NPEPPS: variants seen among roughly 807,000 people sequenced by gnomAD.
NPEPPS encodes the protein aminopeptidase puromycin sensitive.
In NPEPPS, 14 loss-of-function variants were observed where a neutral mutation model predicts 115.5. The observed-to-expected ratio is 0.12, with a 90% CI of 0.08 to 0.19. NPEPPS has a LOEUF of 0.19. NPEPPS is among the 10% of genes least tolerant of loss of function. The pLI, the probability that NPEPPS is intolerant of heterozygous loss-of-function variation, is 1.00. For synonymous variants in NPEPPS, 285 were observed against 390.6 expected, an observed-to-expected ratio of 0.73 and a Z score of 3.19; for missense variants, 523 against 1,110.8, an observed-to-expected ratio of 0.47 and a Z score of 7.52.
At chr17:47,618,196 A>AG (rs1914331060) in intron 19 of NPEPPS, among the ~76,000 whole-genome samples, 154 bp from the exon 20 acceptor site, 1 of 152,072 alleles carries the variant, frequency 6.6e-6, no homozygotes, top group Admixed American at 6.6e-5. Flanking sequence ...CATCTTGAAA[A>AG]GTATTCTCTT....
intron 17 of NPEPPS, among the ~76,000 whole-genome samples, chr17:47,607,326 C>T (rs992820338): frequency 2.0e-5 from 3 of 151,944 alleles, no homozygotes; most frequent in Non-Finnish European, 2.9e-5. Flanking sequence ...TTTGAGGCTA[C>T]CTAGAAGAAA....
At chr17:47,561,346 C>CA (rs71365075) in intron 2 of NPEPPS, among the ~76,000 whole-genome samples, 27,427 of 60,146 alleles carry the variant, frequency 0.46, 6,259 homozygotes, top group East Asian at 0.57. Flanking sequence ...GACCCTGTCT[C>CA]AAAAAAAAAA....
intron 2 of NPEPPS, among the ~76,000 whole-genome samples, chr17:47,558,086 G>C (rs111714571): frequency 1.3e-5 from 2 of 151,550 alleles, no homozygotes; most frequent in East Asian, 3.9e-4. Flanking sequence ...GCCACCACAC[G>C]TGGCTCATTT....
At chr17:47,543,558 C>T (rs139596406) in intron 1 of NPEPPS, among the ~76,000 whole-genome samples, 7,571 of 150,302 alleles carry the variant, frequency 0.05, 314 homozygotes, top group East Asian at 0.11. Flanking sequence ...AACTCCTGAC[C>T]TCAAGTGATC....
chr17:47,599,475 GC>G (rs1913060698), intron 13 of NPEPPS, among the ~76,000 whole-genome samples, 200 bp from the exon 14 acceptor site: 1 of 152,122 alleles, frequency 6.6e-6, no homozygotes, highest in Admixed American at 6.5e-5. Flanking sequence ...TACCATTGTT[GC>G]CTCTGGCTTT....
At chr17:47,608,287 C>T (rs919810912) in intron 17 of NPEPPS, among the ~76,000 whole-genome samples, 6 of 152,094 alleles carry the variant, frequency 3.9e-5, no homozygotes, top group African/African-American at 1.4e-4. Flanking sequence ...GAAACCCCAT[C>T]TCTACTAAAA....
At chr17:47,609,856 C>T (rs1439197003) in intron 17 of NPEPPS, among the ~76,000 whole-genome samples, 5 of 152,146 alleles carry the variant, frequency 3.3e-5, no homozygotes, top group African/African-American at 1.2e-4. Flanking sequence ...TCTCACTCAG[C>T]GTAGTGTTTC....
intron 1 of NPEPPS, among the ~76,000 whole-genome samples, chr17:47,540,108 T>G (rs1336264646): frequency 6.6e-6 from 1 of 152,150 alleles, no homozygotes; most frequent in Non-Finnish European, 1.5e-5. Context: ...ATAGGAAACT[T>G]CCATTGTAAA....
intron 3 of NPEPPS, among the ~76,000 whole-genome samples, chr17:47,569,821 G>C (rs1412482761): frequency 1.3e-5 from 2 of 152,120 alleles, no homozygotes; most frequent in Non-Finnish European, 2.9e-5. Context: ...GTTTCGCCAT[G>C]TTGGCCAGGC....
At chr17:47,563,663 C>T (rs1234210510) in intron 2 of NPEPPS, among the ~76,000 whole-genome samples, 2 of 151,874 alleles carry the variant, frequency 1.3e-5, no homozygotes, top group Non-Finnish European at 1.5e-5. Flanking sequence ...CTCCGCCTCC[C>T]GAGTTCACGC....
chr17:47,609,186 A>G (rs1475752038), intron 17 of NPEPPS, among the ~76,000 whole-genome samples: 2 of 152,174 alleles, frequency 1.3e-5, no homozygotes, highest in Non-Finnish European at 2.9e-5. Flanking sequence ...TGTGAGAGAG[A>G]GGGCTTATTG....
Position 47,622,434 on chromosome 17 carries a change from T to C in NPEPPS, c.*514T>C, listed in dbSNP as rs1379338891. On this transcript the variant is annotated 3_prime_UTR_variant, in exon 23 of 23. Transcript: ENST00000322157. ...GCATAATTCCAAGTGGCTTTTTTTT[T>C]TTTTGGCACGGGGACTGATCAGGAA... 1 of 166,256 alleles carries C rather than the reference T, an allele frequency of 6.0e-6. No individual in the cohort carries two copies. The highest frequency in any genetic ancestry group is 1.9e-4 in the East Asian group (1 of 5,368). The allele number at this position is 166,256 out of a possible 1,614,324, so 10.3% of individuals were successfully genotyped here.
chr17:47,564,663 TA>T (rs1418161042), intron 2 of NPEPPS, among the ~76,000 whole-genome samples: 1 of 148,484 alleles, frequency 6.7e-6, no homozygotes, highest in African/African-American at 2.4e-5. Flanking sequence ...AATATATAAA[TA>T]TACTAATTAT....
At chr17:47,535,832 CTTTTTTTTTTTT>C (rs553790964) in intron 1 of NPEPPS, among the ~76,000 whole-genome samples, 1 of 100,992 alleles carries the variant, frequency 9.9e-6, no homozygotes, top group Non-Finnish European at 2.0e-5. Context: ...ATTGGGTATT[CTTTTTTTTTTTT>C]TTTTTTTTTT....
intron 2 of NPEPPS, among the ~76,000 whole-genome samples, chr17:47,553,895 C>T (rs1300790887): frequency 1.6e-4 from 25 of 151,672 alleles, no homozygotes; most frequent in Non-Finnish European, 2.9e-5. Flanking sequence ...GGACTACAGG[C>T]GCATGCCACC....
intron 3 of NPEPPS, among the ~76,000 whole-genome samples, chr17:47,570,362 C>G (rs1388163907): frequency 2.6e-5 from 4 of 152,190 alleles, no homozygotes; most frequent in Non-Finnish European, 4.4e-5. Context: ...GTGGAGGTTG[C>G]AGTGAACCGA....
At position 47,601,604 on chromosome 17, in the gene NPEPPS, T is replaced by C. The variant is rs1354918481; in HGVS notation, c.1601-4T>C. The C allele has an allele frequency of 1.9e-6, 3 of 1,613,156 alleles. No individual in the cohort carries two copies. The highest frequency in any genetic ancestry group is 8.5e-7 in the Non-Finnish European group (1 of 1,179,678). On this transcript the variant is annotated splice_polypyrimidine_tract_variant and splice_region_variant and intron_variant, in intron 14 of 22. Transcript: ENST00000322157. ...CAAAATTTGTTTGTTCTTCTCTGGCTTAGGTGAAGATTGTCCCCAGTGGAT... is the reference window on the plus strand; with the variant it reads ...CAAAATTTGTTTGTTCTTCTCTGGCCTAGGTGAAGATTGTCCCCAGTGGAT...
At chr17:47,546,073 T>TGTGAGAGAGAGA (rs148357525) in intron 2 of NPEPPS, 80 bp downstream of exon 2, 115 of 1,265,634 alleles carry the variant, frequency 9.1e-5, no homozygotes, top group East Asian at 6.9e-4. Context: ...TGTGTGTGTG[T>TGTGAGAGAGAGA]GAGAGAGAGA....
chr17:47,546,499 TA>T (rs2143715310), intron 2 of NPEPPS, among the ~76,000 whole-genome samples: 1 of 152,320 alleles, frequency 6.6e-6, no homozygotes, highest in South Asian at 2.1e-4. Flanking sequence ...TATTGTGAAA[TA>T]AAGTAAATGT....
Sources: gnomAD v4.1 joint callset for allele counts (sites outside exome capture counted in the v4.1 genomes callset) on GRCh38, gnomAD v4.1.1 for gene constraint, MANE v1.5 for transcripts, NCBI Gene and HGNC (gene_info 2026-07-23, HGNC 2026-07-21) for gene names.